PLEKHA5: variants seen among roughly 807,000 people sequenced by gnomAD.
The protein encoded by PLEKHA5 is pleckstrin homology domain-containing family A member 5.
Under a neutral mutation model 181.9 loss-of-function variants are expected in PLEKHA5, and 55 were observed. The observed-to-expected ratio is 0.30, with a 90% confidence interval of 0.24 to 0.38. The LOEUF (loss-of-function observed/expected upper bound fraction) is 0.38. PLEKHA5 is among the 10% of genes least tolerant of loss of function. PLEKHA5 has a pLI of 1.00. For missense variants in PLEKHA5, 1,432 were observed against 1,549.5 expected, an observed-to-expected ratio of 0.92 and a Z score of 1.27; for synonymous variants, 535 against 529.4, an observed-to-expected ratio of 1.01 and a Z score of -0.15.
At chr12:19,290,832 A>G (rs990944890) in intron 14 of PLEKHA5, 36 bp downstream of exon 14, 5 of 1,498,274 alleles carry the variant, frequency 3.3e-6, no homozygotes, top group East Asian at 5.0e-5. Flanking sequence ...GTCGTCTGCC[A>G]TCATCTCTTA....
intron 22 of PLEKHA5, among the ~76,000 whole-genome samples, chr12:19,345,494 T>C (rs1441021233): frequency 6.6e-6 from 1 of 152,016 alleles, no homozygotes. Flanking sequence ...CTGGACGCCA[T>C]GGCTCACGCC....
At chr12:19,134,838 CTA>C (rs1395171573) in intron 3 of PLEKHA5, among the ~76,000 whole-genome samples, 1 of 152,128 alleles carries the variant, frequency 6.6e-6, no homozygotes, top group Non-Finnish European at 1.5e-5. Flanking sequence ...GGAACATAAA[CTA>C]TATTTAGAAT....
At chr12:19,270,858 G>A (rs938091554) in intron 10 of PLEKHA5, among the ~76,000 whole-genome samples, 2 of 151,600 alleles carry the variant, frequency 1.3e-5, no homozygotes, top group African/African-American at 2.4e-5. Context: ...TATACATCTA[G>A]TCCTTTGTTT....
At chr12:19,352,259 C>G (rs1324662686) in intron 25 of PLEKHA5, among the ~76,000 whole-genome samples, 3 of 151,576 alleles carry the variant, frequency 2.0e-5, no homozygotes, top group Non-Finnish European at 2.9e-5. Context: ...GTAGCACATG[C>G]CTGTAGTCCC....
At position 19,251,283 on chromosome 12, in the gene PLEKHA5, G is replaced by A. The variant is rs534107506; in HGVS notation, c.228-2657G>A. Among the ~76,000 whole-genome samples the A allele has an allele frequency of 6.6e-5, 10 of 151,872 alleles. No homozygotes were observed. The South Asian group carries it at 1.2e-3, about 19-fold the overall frequency. ...TAGCCAGGCATGGTGACACACGCTC[G>A]TAATCCCAGCTAACTTGGGAGGCTG... On this transcript the variant is annotated intron_variant, in intron 3 of 31. Transcript: ENST00000429027.
At chr12:19,189,492 G>C (rs2050593072) in intron 3 of PLEKHA5, among the ~76,000 whole-genome samples, 1 of 152,044 alleles carries the variant, frequency 6.6e-6, no homozygotes, top group Non-Finnish European at 1.5e-5. Context: ...TTCATGCTTA[G>C]AAATGGGAAA....
intron 3 of PLEKHA5, chr12:19,153,284 A>G (rs1249112950): frequency 6.6e-6 from 1 of 152,102 alleles, no homozygotes; most frequent in South Asian, 2.1e-4. Flanking sequence ...TTTGTTCTGC[A>G]TTCATTAAGA....
rs1455014182 is a variant in PLEKHA5, at chr12:19,129,740, C to A, written c.-60C>A. ...CGCTCCCTTCGCTCGCTCGTTCCCT[C>A]CTCCCTCGGCAGCCGCGGCGGCAGC... On this transcript the variant is annotated 5_prime_UTR_variant, in exon 1 of 32. Transcript: ENST00000429027. The A allele has an allele frequency of 1.5e-6, 2 of 1,359,010 alleles. No individual in the cohort carries two copies. The highest frequency in any genetic ancestry group is 2.6e-5 in the East Asian group (1 of 38,004). The allele number at this position is 1,359,010 out of a possible 1,614,324, so 84.2% of individuals were successfully genotyped here.
Position 19,347,121 on chromosome 12 carries a change from A to T in PLEKHA5, c.2837A>T (p.His946Leu). The change falls in exon 24 of 32, where the codon CAT becomes CTT. Residue 946 changes from histidine (H) to leucine (L), a missense_variant. Coordinates refer to ENST00000429027, the MANE Select transcript of PLEKHA5 (RefSeq NM_001256470.2). Reference sequence around the variant, plus strand: ...CTCTGTTATAGCAGGGGCCCAGTTCATCTGCCTGAAGAAAAGAAGATGTAT... The same window carrying T: ...CTCTGTTATAGCAGGGGCCCAGTTCTTCTGCCTGAAGAAAAGAAGATGTAT... ...SLLCYSRGPV[H>L]LPEEKKMYQV... 1 of 1,550,400 alleles carries T rather than the reference A, an allele frequency of 6.4e-7. No individual in the cohort carries two copies. Among genetic ancestry groups the T allele is most frequent in the Non-Finnish European group, 8.7e-7 (1 of 1,146,024 alleles).
chr12:19,337,979 C>A (rs1315464734), intron 21 of PLEKHA5, among the ~76,000 whole-genome samples: 1 of 145,314 alleles, frequency 6.9e-6, no homozygotes. Context: ...TGCAGGGAGC[C>A]AAGACCACTC....
At chr12:19,156,290 G>T (rs1421464973) in intron 3 of PLEKHA5, among the ~76,000 whole-genome samples, 5 of 150,868 alleles carry the variant, frequency 3.3e-5, no homozygotes, top group Non-Finnish European at 5.9e-5. Context: ...AATAATTAAA[G>T]AGTTTTTTAT....
At position 19,322,639 on chromosome 12, in the gene PLEKHA5, C is replaced by T. The variant is rs373124862; in HGVS notation, c.2420C>T (p.Thr807Met). The change falls in exon 20 of 32, where the codon ACG becomes ATG. Residue 807 changes from threonine (T) to methionine (M), a missense_variant. Thr to Met is a moderately conservative substitution (Grantham distance 81). Coordinates refer to ENST00000429027, the MANE Select transcript of PLEKHA5 (RefSeq NM_001256470.2). ...GATTTACAAAATGGACTGCTTAGTA[C>T]GTGTCGAGAACTTTCTCGAGCCACT... The part of the protein sequence containing the change: ...RDDLQNGLLS[T>M]CRELSRATAE... 37 of 1,613,266 alleles carry T rather than the reference C, an allele frequency of 2.3e-5. No homozygotes were observed. The highest frequency in any genetic ancestry group is 1.3e-5 in the Non-Finnish European group (15 of 1,179,672).
intron 16 of PLEKHA5, among the ~76,000 whole-genome samples, chr12:19,316,391 T>C (rs2088729648): frequency 6.6e-6 from 1 of 151,738 alleles, no homozygotes; most frequent in South Asian, 2.1e-4. Context: ...CTAATTGGGG[T>C]TTTCCCAAAG....
At chr12:19,249,095 A>T (rs1265791917) in intron 3 of PLEKHA5, among the ~76,000 whole-genome samples, 2 of 152,150 alleles carry the variant, frequency 1.3e-5, no homozygotes, top group Non-Finnish European at 2.9e-5. Context: ...CAGTTTGGGA[A>T]ACCAAAGTAG....
intron 20 of PLEKHA5, among the ~76,000 whole-genome samples, chr12:19,331,737 T>A (rs2092857049): frequency 6.6e-6 from 1 of 152,096 alleles, no homozygotes; most frequent in African/African-American, 2.4e-5. Context: ...TTAAAAAAAA[T>A]CTTGGCCGGG....
intron 15 of PLEKHA5, among the ~76,000 whole-genome samples, chr12:19,292,192 G>A (rs1302567440): frequency 6.6e-6 from 1 of 152,102 alleles, no homozygotes; most frequent in African/African-American, 2.4e-5. Context: ...GCTCACTGGA[G>A]GCCAGGAGTT....
At chr12:19,294,843 G>T (rs1033483553) in intron 15 of PLEKHA5, among the ~76,000 whole-genome samples, 1 of 152,124 alleles carries the variant, frequency 6.6e-6, no homozygotes, top group Non-Finnish European at 1.5e-5. Flanking sequence ...GACTTCTGGT[G>T]CCTGTAACTT....
At chr12:19,374,584 G>C (rs939719824) in intron 31 of PLEKHA5, among the ~76,000 whole-genome samples, 1 of 151,096 alleles carries the variant, frequency 6.6e-6, no homozygotes, top group Non-Finnish European at 1.5e-5. Context: ...ACTTGAACCC[G>C]GGAGGTGGAG....
At chr12:19,337,816 G>A (rs1308882639) in intron 21 of PLEKHA5, among the ~76,000 whole-genome samples, 2 of 151,926 alleles carry the variant, frequency 1.3e-5, no homozygotes, top group African/African-American at 2.4e-5. Context: ...CCAGGATCAC[G>A]AGGTCAGGAG....
Sources: allele counts gnomAD v4.1 joint callset (sites outside exome capture counted in the v4.1 genomes callset), GRCh38; gene constraint gnomAD v4.1.1; transcripts MANE v1.5; gene names NCBI Gene and HGNC (gene_info 2026-07-23, HGNC 2026-07-21).